CLCNKA: variants seen among roughly 807,000 people sequenced by gnomAD.
CLCNKA encodes chloride channel protein ClC-Ka.
Under a neutral mutation model 83.3 loss-of-function variants are expected in CLCNKA, and 66 were observed. The ratio of observed to expected loss-of-function variants is 0.79; its 90% CI spans 0.65 to 0.97. The LOEUF (loss-of-function observed/expected upper bound fraction) is 0.97. Ranked by LOEUF, CLCNKA falls within the 50% of genes least tolerant of loss-of-function variation. The probability of loss-of-function intolerance (pLI) is 0.00; values close to 1 mark genes in which losing one functional copy is unlikely to be tolerated. For synonymous variants in CLCNKA, 357 were observed against 370.4 expected, an observed-to-expected ratio of 0.96 and a Z score of 0.42; for missense variants, 806 against 888.7, an observed-to-expected ratio of 0.91 and a Z score of 1.18.
Position 16,028,844 on chromosome 1 carries a change from G to C in CLCNKA, c.1052G>C (p.Arg351Pro). ...PPGVGHFLAS[R>P]LSMKQHLDSL... ...GGTGTGGGCCACTTCCTAGCTTCTC[G>C]GGTAAGGGGTCCTGAGCGGGGGTGG... Residue 351 changes from arginine (R) to proline (P), a missense_variant and splice_region_variant, in exon 11 of 20, where the codon CGG (arginine) becomes CCG (proline). By Grantham distance (103) the Arg-to-Pro change is moderately radical (BLOSUM62 -2). Coordinates refer to ENST00000331433, the MANE Select transcript of CLCNKA (RefSeq NM_004070.4). The C allele has an allele frequency of 6.2e-7, 1 of 1,614,006 alleles. No individual in the cohort carries two copies. Among genetic ancestry groups the C allele is most frequent in the South Asian group, 1.1e-5 (1 of 91,086 alleles).
chr1:16,031,879 G>C (rs765989123), intron 16 of CLCNKA, 36 bp downstream of exon 16: 4 of 1,613,004 alleles, frequency 2.5e-6, no homozygotes, highest in Non-Finnish European at 3.4e-6. Flanking sequence ...GTCGGGGGTA[G>C]GGGATGCCCT....
At position 16,027,592 on chromosome 1, in the gene CLCNKA, GCTGACCTGTGTTGAGCCC is replaced by G. The variant is rs1410820993; in HGVS notation, c.781+173_781+190del. ...ACCTCCTTCAGGGAGGATGGAAGGG[GCTGACCTGTGTTGAGCCC>G]CTGACCTGTGTTGAGGGGCAAGGGG... On this transcript the variant is annotated intron_variant, in intron 8 of 19. Transcript: ENST00000331433. 1.6e-3 allele frequency among the ~76,000 whole-genome samples: 244 copies of G among 152,288 alleles called. 3 individuals are homozygous for G. Among genetic ancestry groups the G allele is most frequent in the East Asian group, 2.5e-3 (13 of 5,178 alleles).
At chr1:16,023,475 T>C (rs1213899580) in intron 2 of CLCNKA, among the ~76,000 whole-genome samples, 1 of 152,132 alleles carries the variant, frequency 6.6e-6, no homozygotes, top group African/African-American at 2.4e-5. Flanking sequence ...AGTCCTGGCA[T>C]CCACTGTGCC....
rs121909137 is a variant in CLCNKA at position 16,024,773 on chromosome 1, G to T, written c.240G>T (p.Trp80Cys). ...CGCGGCTGTCCCCAGCACACCAGTGGCTGTACAGGGAGATTGGGGACAGCC... is the reference window on the plus strand; with the variant it reads ...CGCGGCTGTCCCCAGCACACCAGTGTCTGTACAGGGAGATTGGGGACAGCC... Reference protein sequence around the residue: ...AIGCVVRAHQWLYREIGDSHL... With the variant: ...AIGCVVRAHQCLYREIGDSHL... Residue 80 changes from tryptophan to cysteine, a missense_variant, in exon 4 of 20, where the codon TGG (tryptophan) becomes TGT (cysteine). Physicochemically the swap from Trp to Cys is radical, Grantham distance 215. Coordinates refer to ENST00000331433, the MANE Select transcript of CLCNKA (RefSeq NM_004070.4). The T allele has an allele frequency of 6.2e-7, 1 of 1,613,970 alleles. No individual in the cohort carries two copies. Among genetic ancestry groups the T allele is most frequent in the Non-Finnish European group, 8.5e-7 (1 of 1,180,036 alleles).
At chr1:16,032,165 A>G (rs201166986) in intron 16 of CLCNKA, 38 bp from the exon 17 acceptor site, 42 of 1,582,918 alleles carry the variant, frequency 2.7e-5, no homozygotes, top group Non-Finnish European at 3.5e-5. Context: ...CTGTTTCTTC[A>G]TAATGCACCT....
At chr1:16,027,213 G>A (rs953577795) in intron 7 of CLCNKA, 97 bp from the exon 8 acceptor site, 3 of 1,558,824 alleles carry the variant, frequency 1.9e-6, no homozygotes, top group Middle Eastern at 2.2e-4. Context: ...AGGACAGCAG[G>A]ACAGATGGCT....
At chr1:16,028,414 G>A (rs1240246880) in intron 10 of CLCNKA, among the ~76,000 whole-genome samples, 6 of 151,942 alleles carry the variant, frequency 3.9e-5, no homozygotes, top group African/African-American at 9.7e-5. Context: ...GGCCCCTGGC[G>A]TTGGCCTTGG....
Position 16,026,608 on chromosome 1 carries a change from C to G in CLCNKA, c.571C>G (p.Pro191Ala), listed in dbSNP as rs766870843. 1.5e-5 allele frequency: 25 copies of G among 1,613,980 alleles called. No homozygotes were observed. The highest frequency in any genetic ancestry group is 1.1e-4 in the East Asian group (5 of 44,870). Residue 191 changes from proline to alanine, a missense_variant, in exon 6 of 20, where the codon CCT becomes GCT. Coordinates refer to ENST00000331433, the MANE Select transcript of CLCNKA (RefSeq NM_004070.4). ...GRVRTTTIGE[P>A]ENKSKQNEML... ...TGTGCGCACCACGACCATCGGGGAG[C>G]CTGAGGTTAGGGACTCGGGGGCTTC...
chr1:16,024,766 A>T lies in CLCNKA; in HGVS notation c.233A>T (p.His78Leu). 1 of 1,614,024 alleles carries T rather than the reference A, an allele frequency of 6.2e-7. No individual in the cohort carries two copies. The highest frequency in any genetic ancestry group is 1.1e-5 in the South Asian group (1 of 91,088). ...NFAIGCVVRA[H>L]QWLYREIGDS... ...CCTGATACGCGGCTGTCCCCAGCACACCAGTGGCTGTACAGGGAGATTGGG... is the reference window on the plus strand; with the variant it reads ...CCTGATACGCGGCTGTCCCCAGCACTCCAGTGGCTGTACAGGGAGATTGGG... The change falls in exon 4 of 20, where the codon CAC (histidine) becomes CTC (leucine). Residue 78 changes from histidine to leucine, a missense_variant. Transcript: ENST00000331433.
In CLCNKA at chr1:16,026,585, T is replaced by G; in HGVS notation, c.548T>G (p.Val183Gly). 6.2e-7 allele frequency: 1 copy of G among 1,613,962 alleles called. No homozygotes were observed. Among genetic ancestry groups the G allele is most frequent in the Non-Finnish European group, 8.5e-7 (1 of 1,179,982 alleles). Residue 183 changes from valine to glycine, a missense_variant, in exon 6 of 20, where the codon GTG (valine) becomes GGG (glycine). Val to Gly is a moderately radical substitution (Grantham distance 109, BLOSUM62 -3). Transcript: ENST00000331433. ...SVMIAAYLGR[V>G]RTTTIGEPEN... ...ATGATCGCTGCCTACCTGGGCCGTG[T>G]GCGCACCACGACCATCGGGGAGCCT...
At chr1:16,028,659 C>G in intron 10 of CLCNKA, 102 bp from the exon 11 acceptor site, 1 of 1,421,844 alleles carries the variant, frequency 7.0e-7, no homozygotes, top group Non-Finnish European at 9.9e-7. Context: ...GTATCAGCCC[C>G]CAGGTGGGGA....
intron 8 of CLCNKA, 141 bp downstream of exon 8, chr1:16,027,576 A>T (rs2022420526): frequency 4.7e-6 from 7 of 1,493,066 alleles, no homozygotes; most frequent in Admixed American, 2.0e-5. Flanking sequence ...CACCTCCTTC[A>T]GGGAGGATGG....
chr1:16,027,474 G>T (rs758851317), intron 8 of CLCNKA, 39 bp downstream of exon 8: 21 of 1,610,904 alleles, frequency 1.3e-5, no homozygotes, highest in Non-Finnish European at 1.0e-5. Flanking sequence ...CCCTGCCTGG[G>T]GGCCGGGGCG....
In CLCNKA at chr1:16,026,019, G is replaced by T; in HGVS notation, c.359-89G>T. ...TCCGCCTGCCTCGGCCTCCCAAAGT[G>T]CTGGGATTACAGGCGTGAGCCACTG... On this transcript the variant is annotated intron_variant, in intron 4 of 19. Coordinates refer to ENST00000331433, the MANE Select transcript of CLCNKA (RefSeq NM_004070.4). 5 of 1,572,156 alleles carry T rather than the reference G, an allele frequency of 3.2e-6. No homozygotes were observed. The South Asian group carries it at 4.4e-5, about 14-fold the overall frequency.
Position 16,028,814 on chromosome 1 carries a change from C to G in CLCNKA, c.1022C>G (p.Pro341Arg). The change falls in exon 11 of 20, where the codon CCG (proline) becomes CGG (arginine). Residue 341 changes from proline to arginine, a missense_variant. Pro to Arg is a moderately radical substitution (Grantham distance 103). Coordinates refer to ENST00000331433, the MANE Select transcript of CLCNKA (RefSeq NM_004070.4). Reference protein sequence around the residue: ...ATLLLASITYPPGVGHFLASR... With the variant: ...ATLLLASITYRPGVGHFLASR... ...TTGCTTCTCGCCTCCATCACCTACC[C>G]GCCTGGTGTGGGCCACTTCCTAGCT... 6.2e-7 allele frequency: 1 copy of G among 1,614,158 alleles called. No homozygotes were observed. Among genetic ancestry groups the G allele is most frequent in the Non-Finnish European group, 8.5e-7 (1 of 1,180,042 alleles).
rs1557451382 is a variant in CLCNKA, at chr1:16,027,439, AGCCCCCTGGGCT to A, written c.781+8_781+19del. 1 of 1,613,686 alleles carries A rather than the reference AGCCCCCTGGGCT, an allele frequency of 6.2e-7. No individual in the cohort carries two copies. The highest frequency in any genetic ancestry group is 1.7e-5 in the Admixed American group (1 of 59,984). The stretch of plus-strand genomic sequence containing the variant: ...GCAGTCTTCAACAGCGAGCAGGGTG[AGCCCCCTGGGCT>A]GCCTGACCCTGGCCCTGCCTGGGGG... On this transcript the variant is annotated splice_donor_5th_base_variant and intron_variant, in intron 8 of 19. Transcript: ENST00000331433.
chr1:16,025,725 G>A (rs1271041289), intron 4 of CLCNKA, among the ~76,000 whole-genome samples: 5 of 152,118 alleles, frequency 3.3e-5, no homozygotes, highest in Non-Finnish European at 4.4e-5. Flanking sequence ...AACACCGTGC[G>A]GGTAGAGTTA....
chr1:16,033,660 C>T lies in CLCNKA; in HGVS notation c.*2C>T, dbSNP rs1454904206. On this transcript the variant is annotated 3_prime_UTR_variant, in exon 20 of 20. Transcript: ENST00000331433. The stretch of plus-strand genomic sequence containing the variant: ...ACAAATCCGCCAGCTCCAAAGTGAG[C>T]CGGCCCAGCAAGATGAAACAGGGCA... 3 of 1,592,268 alleles carry T rather than the reference C, an allele frequency of 1.9e-6. No individual in the cohort carries two copies. Among genetic ancestry groups the T allele is most frequent in the Non-Finnish European group, 2.6e-6 (3 of 1,168,668 alleles).
In CLCNKA at chr1:16,027,917, C is replaced by T. The variant is rs781343628; in HGVS notation, c.866+12C>T. Reference sequence around the variant, plus strand: ...TTTGTGGCGCTGGGGTGAGTGGGTGCCTTGGGCCCCTGAGAGTCCAAAAGG... The same window carrying T: ...TTTGTGGCGCTGGGGTGAGTGGGTGTCTTGGGCCCCTGAGAGTCCAAAAGG... On this transcript the variant is annotated intron_variant, in intron 9 of 19. Coordinates refer to ENST00000331433, the MANE Select transcript of CLCNKA (RefSeq NM_004070.4). 16 of 1,613,710 alleles carry T rather than the reference C, an allele frequency of 9.9e-6. No homozygotes were observed. The highest frequency in any genetic ancestry group is 1.1e-5 in the Non-Finnish European group (13 of 1,179,874).
Sources: allele counts gnomAD v4.1 joint callset (sites outside exome capture counted in the v4.1 genomes callset), GRCh38; gene constraint gnomAD v4.1.1; transcripts MANE v1.5; gene names NCBI Gene and HGNC (gene_info 2026-07-23, HGNC 2026-07-21).